Variants in USP25 observed in about 807,000 individuals in gnomAD.
USP25 encodes ubiquitin specific peptidase 25, also known as ubiquitin carboxyl-terminal hydrolase 25.
A neutral mutation model predicts 158.5 loss-of-function variants in USP25; 85 were observed. The ratio of observed to expected loss-of-function variants is 0.54; its 90% confidence interval spans 0.45 to 0.64. The LOEUF is 0.64. USP25 is among the 30% of genes least tolerant of loss of function. The pLI is 0.00. For missense variants in USP25, 1,242 were observed against 1,327.3 expected (o/e 0.94, Z 1.00); for synonymous variants, 464 against 460.4 (o/e 1.01, Z -0.10).
In USP25 at chr21:15,826,414, A is replaced by G; in HGVS notation, c.1466+49A>G. The G allele has an allele frequency of 1.9e-6, 3 of 1,587,662 alleles. No homozygotes were observed. The highest frequency in any genetic ancestry group is 2.6e-6 in the Non-Finnish European group (3 of 1,160,028). On this transcript the variant is annotated intron_variant, in intron 13 of 25. Coordinates refer to ENST00000400183, the MANE Select transcript of USP25 (RefSeq NM_001283041.3). The surrounding 1 kb of genome is among the most constrained non-coding windows in gnomAD (Gnocchi z 4.8). ...AGACAGTTGTTACCTTTATTACACA[A>G]TAATGTAACTGCTGCCTTTAAAGAC...
chr21:15,787,386 T>A (rs1317065688), intron 4 of USP25, among the ~76,000 whole-genome samples: 2 of 152,006 alleles, frequency 1.3e-5, no homozygotes, highest in South Asian at 2.1e-4. Flanking sequence ...AACAATGATA[T>A]TGGTGTAAAA....
At chr21:15,856,058 A>G (rs1285459831) in intron 20 of USP25, among the ~76,000 whole-genome samples, 3 of 152,194 alleles carry the variant, frequency 2.0e-5, no homozygotes, top group South Asian at 4.1e-4. Context: ...TGGACATGCT[A>G]AAAAGGTATT....
Position 15,826,988 on chromosome 21 carries a change from A to T in USP25, c.1478A>T (p.Gln493Leu). 6.2e-7 allele frequency: 1 copy of T among 1,613,730 alleles called. No individual in the cohort carries two copies. The highest frequency in any genetic ancestry group is 1.1e-5 in the South Asian group (1 of 91,078). ...PSQTLPSTTE[Q>L]QGALSSELPS... The stretch of plus-strand genomic sequence containing the variant: ...ATGCTTTGATACAGCACAACAGAAC[A>T]ACAGGGAGCCCTATCTTCAGAACTG... The change falls in exon 14 of 26, where the codon CAA (glutamine) becomes CTA (leucine). Residue 493 changes from glutamine to leucine, a missense_variant. This residue lies in a region of USP25 where 627 missense variants were observed against 701.4 expected (regional missense o/e 0.89). Transcript: ENST00000400183. This position sits in a 1 kb window ranked among gnomAD's most constrained non-coding sequence, Gnocchi z 4.8.
chr21:15,736,875 C>G (rs1242198828), intron 1 of USP25, among the ~76,000 whole-genome samples: 1 of 141,420 alleles, frequency 7.1e-6, no homozygotes, highest in Non-Finnish European at 1.5e-5. Context: ...GTTTTTTGGT[C>G]TGTTGTATAA....
rs538271715 is a variant in USP25 at position 15,843,492 on chromosome 21, G to C, written c.2337+952G>C. Among the ~76,000 whole-genome samples the C allele has an allele frequency of 6.6e-6, 1 of 152,036 alleles. No homozygotes were observed. The highest frequency in any genetic ancestry group is 2.4e-5 in the African/African-American group (1 of 41,384). ...TATGGTACTCTGTTAATTTTGTTTTGATGAACTAAATAACAATACAAATTA... is the reference window on the plus strand; with the variant it reads ...TATGGTACTCTGTTAATTTTGTTTTCATGAACTAAATAACAATACAAATTA... On this transcript the variant is annotated intron_variant, in intron 18 of 25. Transcript: ENST00000400183. This position sits in a 1 kb window ranked among gnomAD's most constrained non-coding sequence, Gnocchi z 4.0.
intron 2 of USP25, among the ~76,000 whole-genome samples, chr21:15,764,635 A>G (rs1417023964): frequency 2.0e-5 from 3 of 152,120 alleles, no homozygotes; most frequent in Admixed American, 6.6e-5. Context: ...AAATTATTAT[A>G]TGAGGTAATA....
In USP25 at chr21:15,864,158, C is replaced by CAA. The variant is rs878887662; in HGVS notation, c.2548-97_2548-96dup. 1.8e-3 allele frequency: 1,636 copies of CAA among 930,626 alleles called. 4 individuals are homozygous for CAA. The highest frequency in any genetic ancestry group is 0.014 in the African/African-American group (617 of 43,894). The allele number at this position is 930,626 out of a possible 1,614,324, so 57.6% of individuals were successfully genotyped here. On this transcript the variant is annotated intron_variant, in intron 20 of 25. Transcript: ENST00000400183. ...GCCTTGTTTGTGATACTTTAAAAGC[C>CAA]AAAAAAAAAAAAAAGATTTAAATGC...
chr21:15,755,425 A>G (rs1481207677), intron 1 of USP25, among the ~76,000 whole-genome samples: 1 of 152,204 alleles, frequency 6.6e-6, no homozygotes, highest in African/African-American at 2.4e-5. Flanking sequence ...TTACATCAAC[A>G]TAATAGTGGA....
At chr21:15,878,122 A>G in intron 25 of USP25, 131 bp downstream of exon 25, 2 of 1,044,092 alleles carry the variant, frequency 1.9e-6, no homozygotes, top group Admixed American at 3.1e-5. Flanking sequence ...CATTCACATG[A>G]TTACTCTTTT....
chr21:15,878,302 G>A lies in USP25; in HGVS notation c.3206-1G>A. 2 of 1,609,772 alleles carry A rather than the reference G, an allele frequency of 1.2e-6. No homozygotes were observed. Among genetic ancestry groups the A allele is most frequent in the Non-Finnish European group, 1.7e-6 (2 of 1,177,762 alleles). Reference sequence around the variant, plus strand: ...TTAGATTTAATTGTTTGTATTTGCAGCACACCTCCAAGAAAAGCTGACAGA... The same window carrying A: ...TTAGATTTAATTGTTTGTATTTGCAACACACCTCCAAGAAAAGCTGACAGA... On this transcript the variant is annotated splice_acceptor_variant, in intron 25 of 25. Transcript: ENST00000400183. LOFTEE classifies it high-confidence loss of function.
intron 6 of USP25, among the ~76,000 whole-genome samples, chr21:15,803,050 G>A (rs1008755248): frequency 1.3e-5 from 2 of 151,642 alleles, no homozygotes; most frequent in Non-Finnish European, 3.0e-5. Context: ...AAAGTCACAA[G>A]CTATCAAAGC....
At chr21:15,773,265 T>C (rs465864) in intron 3 of USP25, 151,403 of 152,378 alleles carry the variant, frequency 0.99, 75,218 homozygotes, top group Middle Eastern at 1. Context: ...GCAGCTTTAT[T>C]CTTTTACACC....
chr21:15,821,182 A>T (rs1361046502), intron 10 of USP25, among the ~76,000 whole-genome samples: 2 of 151,866 alleles, frequency 1.3e-5, no homozygotes, highest in African/African-American at 2.4e-5. Context: ...ATGCACATAT[A>T]AGTATTTGCA....
chr21:15,858,300 T>C (rs965039732), intron 20 of USP25, among the ~76,000 whole-genome samples: 1 of 152,030 alleles, frequency 6.6e-6, no homozygotes, highest in Non-Finnish European at 1.5e-5. Flanking sequence ...ATTTTGAGTC[T>C]TGCCCAAAAG....
Position 15,870,570 on chromosome 21 carries a change from A to T in USP25, c.2885+423A>T, listed in dbSNP as rs1430319324. Among the ~76,000 whole-genome samples, 8 of 152,304 alleles carry T rather than the reference A, an allele frequency of 5.3e-5. No homozygotes were observed. In the East Asian group the frequency reaches 1.3e-3, roughly 26 times the overall value. On this transcript the variant is annotated intron_variant, in intron 23 of 25. Transcript: ENST00000400183. ...TTTCATTTAAATTAAGGATGGTCTT[A>T]AAGGAATATCTACTTATTTAATTAT...
chr21:15,806,150 T>TA (rs2036378159), intron 7 of USP25, among the ~76,000 whole-genome samples: 1 of 152,226 alleles, frequency 6.6e-6, no homozygotes, highest in Non-Finnish European at 1.5e-5. Context: ...TTAGGCTTAG[T>TA]ATCTACTCAG....
At chr21:15,773,590 A>T (rs1306135202) in intron 3 of USP25, among the ~76,000 whole-genome samples, 1 of 152,166 alleles carries the variant, frequency 6.6e-6, no homozygotes, top group Admixed American at 6.5e-5. Flanking sequence ...CATTGTAAAA[A>T]CCAAAGAAAA....
chr21:15,744,647 G>A (rs1405804998), intron 1 of USP25, among the ~76,000 whole-genome samples: 1 of 151,970 alleles, frequency 6.6e-6, no homozygotes, highest in Non-Finnish European at 1.5e-5. Flanking sequence ...GGAGTGCAGT[G>A]GTGTGATCTC....
intron 17 of USP25, among the ~76,000 whole-genome samples, chr21:15,842,041 CTA>C (rs920029061): frequency 5.3e-5 from 8 of 152,230 alleles, no homozygotes; most frequent in Admixed American, 1.3e-4. Context: ...CCTGTGCACT[CTA>C]TGGAAAGTCA....
Sources: allele counts gnomAD v4.1 joint callset (sites outside exome capture counted in the v4.1 genomes callset), GRCh38; gene constraint gnomAD v4.1.1; regional missense constraint gnomAD v4.1.1; non-coding constraint Gnocchi (gnomAD v3.1); transcripts MANE v1.5; gene names NCBI Gene and HGNC (gene_info 2026-07-23, HGNC 2026-07-21).